FRY: variants seen among roughly 807,000 people sequenced by gnomAD.
FRY encodes the protein FRY microtubule binding protein.
In FRY, 128 loss-of-function variants were observed where a neutral mutation model predicts 348.4. That is an observed-to-expected ratio of 0.37 (90% confidence interval 0.32 to 0.43). FRY has a LOEUF of 0.43. Among genes scored for constraint, FRY ranks in the 20% least tolerant of loss-of-function variants. FRY has a pLI of 1.00. For synonymous variants in FRY, 1,370 were observed against 1,374.7 expected (o/e 1.00, Z 0.08); for missense variants, 2,736 against 3,695.2 (o/e 0.74, Z 6.73).
At chr13:32,276,587 A>C in intron 57 of FRY, 25 bp downstream of exon 57, 1 of 1,227,080 alleles carries the variant, frequency 8.1e-7, no homozygotes, top group East Asian at 2.3e-5. Context: ...TTCTATGCAT[A>C]TGCAGTCAGT....
chr13:32,126,992 A>G (rs1033959775), intron 7 of FRY, among the ~76,000 whole-genome samples: 25 of 152,214 alleles, frequency 1.6e-4, no homozygotes, highest in African/African-American at 2.4e-4. Context: ...TAGCAGAATC[A>G]CTATTTTTAG....
At chr13:32,200,234 G>T (rs950109484) in intron 29 of FRY, among the ~76,000 whole-genome samples, 21 of 152,004 alleles carry the variant, frequency 1.4e-4, no homozygotes, top group Non-Finnish European at 1.8e-4. Context: ...AGTTCTGGTG[G>T]GGCAAACATT....
intron 48 of FRY, among the ~76,000 whole-genome samples, chr13:32,247,975 G>A (rs1886890612): frequency 6.6e-6 from 1 of 152,168 alleles, no homozygotes; most frequent in South Asian, 2.1e-4. Context: ...AGCGGGCAGG[G>A]GAGAGAGAGG....
chr13:32,192,030 T>C (rs1883366155), intron 28 of FRY, among the ~76,000 whole-genome samples: 1 of 152,078 alleles, frequency 6.6e-6, no homozygotes. Context: ...GAAGTCAAGA[T>C]AGTGGTTTCT....
rs540198162 is a variant in FRY, at chr13:32,052,583, A to G, written c.70+20718A>G. Among the ~76,000 whole-genome samples, 182 of 152,348 alleles carry G rather than the reference A, an allele frequency of 1.2e-3. 1 individual carries two copies. The Middle Eastern group carries it at 0.017, about 14-fold the overall frequency. ...AGCATAACTATTAATAAAATATTTT[A>G]CCTTCTTTTTTTGAGGAATTCAGAA... On this transcript the variant is annotated intron_variant, in intron 1 of 60. Coordinates refer to ENST00000542859, the MANE Select transcript of FRY (RefSeq NM_023037.3).
intron 3 of FRY, among the ~76,000 whole-genome samples, chr13:32,103,872 T>G (rs1339032485): frequency 6.6e-6 from 1 of 151,726 alleles, no homozygotes; most frequent in Non-Finnish European, 1.5e-5. Flanking sequence ...GATGCTGAGG[T>G]GGGAGGATCA....
Position 32,295,373 on chromosome 13 carries a change from G to A in FRY, c.8955G>A (p.Glu2985=), listed in dbSNP as rs769870932. The A allele has an allele frequency of 1.9e-6, 3 of 1,613,414 alleles. No homozygotes were observed. In the African/African-American group the frequency reaches 4.0e-5, roughly 22 times the overall value. Residue 2985 remains glutamate, a synonymous_variant, in exon 61 of 61, where the codon GAG becomes GAA. Coordinates refer to ENST00000542859, the MANE Select transcript of FRY (RefSeq NM_023037.3). ...CCAAGCTGATGGAGCTGAACATGGAGATCCGGGACATGATCCGCAGGGCCC... is the reference window on the plus strand; with the variant it reads ...CCAAGCTGATGGAGCTGAACATGGAAATCCGGGACATGATCCGCAGGGCCC... The part of the protein sequence containing the change: ...ICTKLMELNM[E]IRDMIRRAQS...
intron 17 of FRY, among the ~76,000 whole-genome samples, chr13:32,165,666 A>G (rs768314507): frequency 9.9e-5 from 15 of 152,112 alleles, no homozygotes; most frequent in Non-Finnish European, 2.2e-4. Flanking sequence ...TCAAAGGAGG[A>G]TGTTTCTCCT....
chr13:32,141,910 A>C (rs1880097014), intron 11 of FRY, among the ~76,000 whole-genome samples: 1 of 152,194 alleles, frequency 6.6e-6, no homozygotes, highest in Non-Finnish European at 1.5e-5. Flanking sequence ...TAGTTTCTTG[A>C]ACAATTGTAT....
Position 32,173,331 on chromosome 13 carries a change from C to T in FRY, c.2152-36C>T, listed in dbSNP as rs2073998. The T allele has an allele frequency of 0.14, 212,706 of 1,519,880 alleles. 15,668 individuals carry two copies. The highest frequency in any genetic ancestry group is 0.22 in the East Asian group (9,726 of 44,232). The allele number at this position is 1,519,880 out of a possible 1,614,324, so 94.1% of individuals were successfully genotyped here. A position where few individuals can be genotyped will look rare whatever the true frequency, so the allele number is the denominator to read the frequency against. On this transcript the variant is annotated intron_variant, in intron 18 of 60. Transcript: ENST00000542859. ...GTGTATTCTTCTTCCTTTGTTATTT[C>T]GCTGAATACAGAATGTTGTTCTTAT...
intron 1 of FRY, among the ~76,000 whole-genome samples, chr13:32,033,223 T>C (rs772954289): frequency 2.0e-5 from 3 of 152,216 alleles, no homozygotes; most frequent in Non-Finnish European, 4.4e-5. Flanking sequence ...TTTATAATAC[T>C]TTACACTCAA....
chr13:32,034,062 G>A (rs1159042548), intron 1 of FRY, among the ~76,000 whole-genome samples: 3 of 152,162 alleles, frequency 2.0e-5, no homozygotes, highest in African/African-American at 7.2e-5. Flanking sequence ...GCACCTGCAC[G>A]CGCATGCCTG....
Position 32,237,520 on chromosome 13 carries a change from G to C in FRY, c.5952G>C (p.Val1984=), listed in dbSNP as rs1373256042. Residue 1984 remains valine, a synonymous_variant, in exon 44 of 61, where the codon GTG becomes GTC. Coordinates refer to ENST00000542859, the MANE Select transcript of FRY (RefSeq NM_023037.3). The surrounding 1 kb of genome is among the most constrained non-coding windows in gnomAD (Gnocchi z 6.3). The part of the protein sequence containing the change: ...ERSRHQRSFS[V]PKKFGVIDRS... ...GCCGGCATCAACGAAGCTTCTCTGT[G>C]CCCAAGAAGTTTGGTGTCATCGACC... is the stretch of plus-strand genomic sequence containing the variant. 1 of 1,614,016 alleles carries C rather than the reference G, an allele frequency of 6.2e-7. No individual in the cohort carries two copies. The highest frequency in any genetic ancestry group is 8.5e-7 in the Non-Finnish European group (1 of 1,180,030).
Position 32,186,293 on chromosome 13 carries a change from G to T in FRY, c.3353G>T (p.Ser1118Ile). ...HHRRFLFPQQ[S>I]LRHHLFILFS... is the part of the protein sequence containing the mutation. The stretch of plus-strand genomic sequence containing the variant: ...CGAAGATTTCTCTTCCCCCAGCAAA[G>T]TCTGAGGCACCACCTTTTCATCTTA... The change falls in exon 27 of 61, where the codon AGT becomes ATT. Residue 1118 changes from serine (S) to isoleucine (I), a missense_variant. Coordinates refer to ENST00000542859, the MANE Select transcript of FRY (RefSeq NM_023037.3). 1 of 1,613,688 alleles carries T rather than the reference G, an allele frequency of 6.2e-7. No individual in the cohort carries two copies. The highest frequency in any genetic ancestry group is 8.5e-7 in the Non-Finnish European group (1 of 1,179,668).
At position 32,201,933 on chromosome 13, in the gene FRY, GT is replaced by G; in HGVS notation, c.3747-3del. 3 of 1,486,778 alleles carry G rather than the reference GT, an allele frequency of 2.0e-6. No homozygotes were observed. Among genetic ancestry groups the G allele is most frequent in the Middle Eastern group, 1.7e-4 (1 of 5,826 alleles). The allele number at this position is 1,486,778 out of a possible 1,614,324, so 92.1% of individuals were successfully genotyped here. On this transcript the variant is annotated splice_region_variant and splice_polypyrimidine_tract_variant and intron_variant, in intron 29 of 60. Transcript: ENST00000542859. Reference sequence around the variant, plus strand: ...TGCTTTTTTTGTTTTGTTCTGTTGTGTTTTTAGGAACTATCCCTTCGACATA... The same window carrying G: ...TGCTTTTTTTGTTTTGTTCTGTTGTGTTTTAGGAACTATCCCTTCGACATA...
At chr13:32,228,819 C>G (rs1885753449) in intron 40 of FRY, among the ~76,000 whole-genome samples, 165 bp downstream of exon 40, 1 of 152,204 alleles carries the variant, frequency 6.6e-6, no homozygotes, top group East Asian at 1.9e-4. Context: ...CACTGAGATA[C>G]AGAGAATTAC....
At chr13:32,056,256 A>C (rs746609564) in intron 1 of FRY, among the ~76,000 whole-genome samples, 1 of 152,050 alleles carries the variant, frequency 6.6e-6, no homozygotes, top group Non-Finnish European at 1.5e-5. Context: ...TGGAGGTTTA[A>C]AGTGAGCCTC....
chr13:32,051,314 T>G (rs913152800), intron 1 of FRY, among the ~76,000 whole-genome samples: 2 of 152,004 alleles, frequency 1.3e-5, no homozygotes, highest in South Asian at 4.2e-4. Context: ...AAGCAAAAAG[T>G]GTGTAGTTGG....
intron 7 of FRY, among the ~76,000 whole-genome samples, chr13:32,127,708 G>A (rs1321811810): frequency 6.6e-6 from 1 of 152,084 alleles, no homozygotes; most frequent in Admixed American, 6.5e-5. Context: ...GAACCCGGGA[G>A]GCGGAGGTTG....
Sources: allele counts gnomAD v4.1 joint callset (sites outside exome capture counted in the v4.1 genomes callset), GRCh38; gene constraint gnomAD v4.1.1; non-coding constraint Gnocchi (gnomAD v3.1); transcripts MANE v1.5; gene names NCBI Gene and HGNC (gene_info 2026-07-23, HGNC 2026-07-21).